The following DDHD2 variants were observed in gnomAD, a reference collection of about 807,000 sequenced individuals.
DDHD2 encodes the protein DDHD domain containing 2, also known as triacylglycerol hydrolase DDHD2.
Under a neutral mutation model 91.2 loss-of-function variants are expected in DDHD2, and 62 were observed. The observed-to-expected ratio is 0.68, with a 90% CI of 0.55 to 0.84. The LOEUF is 0.84. Ranked by LOEUF, DDHD2 falls within the 40% of genes least tolerant of loss-of-function variation. DDHD2 has a pLI of 0.00. For synonymous variants in DDHD2, 271 were observed against 293.9 expected (o/e 0.92, Z 0.80); for missense variants, 740 against 846.9 (o/e 0.87, Z 1.57).
At chr8:38,255,963 GT>G (rs1173806292) in intron 16 of DDHD2, among the ~76,000 whole-genome samples, 1 of 152,206 alleles carries the variant, frequency 6.6e-6, no homozygotes, top group Non-Finnish European at 1.5e-5. Context: ...ACGAAAGTGT[GT>G]GTTTCTCCAC....
chr8:38,237,148 G>T (rs1804844829), intron 3 of DDHD2, among the ~76,000 whole-genome samples: 1 of 152,014 alleles, frequency 6.6e-6, no homozygotes, highest in Non-Finnish European at 1.5e-5. Flanking sequence ...GGCCGAGGCA[G>T]GCAGATCACC....
chr8:38,258,255 CTTT>C (rs111961835), intron 16 of DDHD2, among the ~76,000 whole-genome samples: 1 of 142,368 alleles, frequency 7.0e-6, no homozygotes, highest in Non-Finnish European at 1.6e-5. Context: ...TAATTAAATT[CTTT>C]TTTTTTTTTT....
rs1806263232 is a variant in DDHD2, at chr8:38,253,390, A to T, written c.1892-166A>T. 10 of 754,006 alleles carry T rather than the reference A, an allele frequency of 1.3e-5. No homozygotes were observed. The East Asian group carries it at 2.7e-4, about 20-fold the overall frequency. 46.7% of individuals were successfully genotyped at this position (754,006 alleles called of 1,614,324 possible). A position where few individuals can be genotyped will look rare whatever the true frequency, so the allele number is the denominator to read the frequency against. The stretch of plus-strand genomic sequence containing the variant: ...AAGGGGATTGGACAAAATTACTGTG[A>T]CCTGAGAAGGAGCTTGAAGGAGATT... On this transcript the variant is annotated intron_variant, in intron 15 of 17. Transcript: ENST00000397166.
At chr8:38,263,877 C>T (rs1807224517), downstream of DDHD2, 2 of 985,172 alleles carry the variant, frequency 2.0e-6, 1 homozygote, top group African/African-American at 3.5e-5. Flanking sequence ...TGTAGATCTT[C>T]AGATATTAAT....
rs1807077126 is a variant in DDHD2, at chr8:38,262,117, T to A, written c.*1544T>A. ...GGCCTGGCCTTTCTTTGTCATCTGC[T>A]TATAGTCTAGTGCTAAGTATGCCAC... On this transcript the variant is annotated 3_prime_UTR_variant, in exon 18 of 18. Coordinates refer to ENST00000397166, the MANE Select transcript of DDHD2 (RefSeq NM_015214.3). The A allele has an allele frequency of 6.6e-6, 1 of 152,202 alleles. No individual in the cohort carries two copies. Among genetic ancestry groups the A allele is most frequent in the African/African-American group, 2.4e-5 (1 of 41,452 alleles). The allele number at this position is 152,202 out of a possible 1,614,324, so 9.4% of individuals were successfully genotyped here. A position where few individuals can be genotyped will look rare whatever the true frequency, so the allele number is the denominator to read the frequency against.
At chr8:38,267,331 C>T (rs756672535), downstream of DDHD2, 1 of 1,614,042 alleles carries the variant, frequency 6.2e-7, no homozygotes, top group Admixed American at 1.7e-5. Context: ...CCCCTGTACA[C>T]ATCAAGTCAG....
rs754889897 is a variant in DDHD2 at position 38,238,095 on chromosome 8, G to C, written c.508G>C (p.Val170Leu). 3.1e-6 allele frequency: 5 copies of C among 1,610,006 alleles called. No individual in the cohort carries two copies. Among genetic ancestry groups the C allele is most frequent in the Non-Finnish European group, 4.2e-6 (5 of 1,178,770 alleles). The change falls in exon 5 of 18, where the codon GTG (valine) becomes CTG (leucine). Residue 170 changes from valine (V) to leucine (L), a missense_variant. Around this residue, in one of 2 missense-constraint regions of DDHD2, gnomAD observed 693 missense variants for 764.2 expected, o/e 0.91. Coordinates refer to ENST00000397166, the MANE Select transcript of DDHD2 (RefSeq NM_015214.3). ...IIILHNPKLMVHYQPVAGSDD... is the reference protein window; with the variant it reads ...IIILHNPKLMLHYQPVAGSDD... ...CTGATCTGTTCTGTTTAAGCTTATG[G>C]TGCATTACCAGCCAGTTGCAGGGTC...
intron 9 of DDHD2, 90 bp from the exon 10 acceptor site, chr8:38,247,623 G>A (rs1805750560): frequency 1.3e-6 from 1 of 796,374 alleles, no homozygotes; most frequent in South Asian, 3.7e-5. Flanking sequence ...ATACATTGCT[G>A]TGGAAATCTA....
chr8:38,269,715 C>A (rs778706073), intron 1 of DDHD2: 2 of 153,994 alleles, frequency 1.3e-5, no homozygotes, highest in African/African-American at 4.8e-5. Flanking sequence ...TTGGAACATA[C>A]AGGACAATTT....
At chr8:38,267,719 T>A, downstream of DDHD2, 1 of 689,792 alleles carries the variant, frequency 1.4e-6, no homozygotes, top group Non-Finnish European at 2.4e-6. Context: ...AGAGCCCAGG[T>A]GTCACCTGGA....
chr8:38,246,051 T>C (rs1306758450), intron 8 of DDHD2, 101 bp downstream of exon 8: 2 of 1,324,604 alleles, frequency 1.5e-6, no homozygotes, highest in East Asian at 2.3e-5. Context: ...TTCAGAGGTC[T>C]AGAAGTGGTC....
chr8:38,249,761 A>C lies in DDHD2; in HGVS notation c.1302A>C (p.Arg434Ser). The change falls in exon 11 of 18, where the codon AGA (arginine) becomes AGC (serine). Residue 434 changes from arginine to serine, a missense_variant. Transcript: ENST00000397166. ...AAATAGGAATTCCTTTAGGACCAAG[A>C]AAGAAGATATTAAACTATTTCAGCA... ...LQEIGIPLGP[R>S]KKILNYFSTR... 2 of 1,612,420 alleles carry C rather than the reference A, an allele frequency of 1.2e-6. No homozygotes were observed. The highest frequency in any genetic ancestry group is 1.1e-5 in the South Asian group (1 of 91,026).
intron 1 of DDHD2, chr8:38,268,497 A>G (rs1484270108): frequency 1.3e-6 from 2 of 1,549,708 alleles, no homozygotes; most frequent in Admixed American, 3.9e-5. Flanking sequence ...AACAATCCAA[A>G]AAAAAGCCAC....
At chr8:38,256,365 C>T (rs956698116) in intron 16 of DDHD2, among the ~76,000 whole-genome samples, 6 of 152,136 alleles carry the variant, frequency 3.9e-5, no homozygotes, top group Non-Finnish European at 8.8e-5. Context: ...TGCAGTGACA[C>T]AATCATGGCT....
At position 38,257,433 on chromosome 8, in the gene DDHD2, G is replaced by T. The variant is rs572237749; in HGVS notation, c.2055-2607G>T. On this transcript the variant is annotated intron_variant, in intron 16 of 17. Transcript: ENST00000397166. ...CTAGCTAATTTTTGTATTGTTAGTA[G>T]AGATGGGGTTTCACCATGTTGGCCA... Among the ~76,000 whole-genome samples the T allele has an allele frequency of 2.6e-5, 4 of 151,340 alleles. No homozygotes were observed. In the East Asian group the frequency reaches 7.8e-4, roughly 30 times the overall value.
chr8:38,253,522 T>G, intron 15 of DDHD2, 34 bp from the exon 16 acceptor site: 1 of 1,594,110 alleles, frequency 6.3e-7, no homozygotes, highest in Non-Finnish European at 8.5e-7. Flanking sequence ...GGCCAAAAGG[T>G]TTTAGATTCT....
chr8:38,269,097 G>T, intron 1 of DDHD2: 4 of 1,526,454 alleles, frequency 2.6e-6, no homozygotes, highest in Non-Finnish European at 3.5e-6. Context: ...AAGCGGGGCC[G>T]CCCGGGCCCG....
intron 1 of DDHD2, chr8:38,269,065 C>T: frequency 3.3e-6 from 5 of 1,525,006 alleles, no homozygotes; most frequent in Middle Eastern, 1.8e-4. Context: ...ACCCGCCGCC[C>T]CGTGCCGCCC....
At chr8:38,272,429 T>A (rs1055874292), downstream of DDHD2, 1 of 152,254 alleles carries the variant, frequency 6.6e-6, no homozygotes, top group African/African-American at 2.4e-5. Flanking sequence ...CTCTGGCTGC[T>A]TCAGCCTTCC....
Sources: gnomAD v4.1 joint callset for allele counts (sites outside exome capture counted in the v4.1 genomes callset) on GRCh38, gnomAD v4.1.1 for gene constraint, gnomAD v4.1.1 regional missense constraint, MANE v1.5 for transcripts, NCBI Gene and HGNC (gene_info 2026-07-23, HGNC 2026-07-21) for gene names.